The following PCDHGA1 variants were observed in gnomAD, a reference collection of about 807,000 sequenced individuals.
The protein encoded by PCDHGA1 is protocadherin gamma subfamily A, 1, also known as protocadherin gamma-A1.
PCDHGA1 carries 32 observed loss-of-function variants against 58.0 expected under a neutral mutation model. The observed-to-expected ratio is 0.55, with a 90% CI of 0.42 to 0.74. The LOEUF (loss-of-function observed/expected upper bound fraction) is 0.74, where lower values mean the gene tolerates loss of function less well. Among genes scored for constraint, PCDHGA1 ranks in the 30% least tolerant of loss-of-function variants. PCDHGA1 has a pLI of 0.00. For missense variants in PCDHGA1, 1,205 were observed against 1,182.3 expected (o/e 1.02, Z -0.28); for synonymous variants, 498 against 501.1 (o/e 0.99, Z 0.08).
intron 1 of PCDHGA1, chr5:141,341,720 A>T: frequency 4.3e-6 from 2 of 464,682 alleles, no homozygotes; most frequent in Non-Finnish European, 3.7e-6. Context: ...CACCCAGATC[A>T]ACAATTTTTT....
chr5:141,374,327 G>T (rs766746841), intron 1 of PCDHGA1: 3 of 1,613,866 alleles, frequency 1.9e-6, no homozygotes, highest in Non-Finnish European at 2.5e-6. Context: ...TCCGCGAAAC[G>T]GCAGCTTGGT....
intron 1 of PCDHGA1, chr5:141,421,983 T>G: frequency 6.2e-7 from 1 of 1,609,228 alleles, no homozygotes; most frequent in Non-Finnish European, 8.5e-7. Context: ...GCGTGAGTGT[T>G]CCAGAAAACA....
rs114776679 is a variant in PCDHGA1, at chr5:141,400,351, G to A, written c.2421+67246G>A. The A allele has an allele frequency of 1.1e-3, 1,779 of 1,614,070 alleles. 15 individuals are homozygous for A. The African/African-American group carries it at 0.021, about 19-fold the overall frequency. On this transcript the variant is annotated intron_variant, in intron 1 of 3. Coordinates refer to ENST00000517417, the MANE Select transcript of PCDHGA1 (RefSeq NM_018912.3). ...TGTGGTTCCCCCCAACTACAGTCAG[G>A]GGACTTTGCCTTATTCCTACAACCT...
chr5:141,395,332 AT>A (rs2093216099), intron 1 of PCDHGA1: 2 of 1,450,272 alleles, frequency 1.4e-6, no homozygotes, highest in Non-Finnish European at 9.2e-7. Flanking sequence ...GTTGAAAATA[AT>A]TTTTAAGGTG....
rs751345684 is a variant in PCDHGA1 at position 141,398,995 on chromosome 5, C to G, written c.2421+65890C>G. ...CTACAGAACCGGGCAAATCTTTAGT[C>G]TGAATTCAAAGAGCGGAGAAATTAC... On this transcript the variant is annotated intron_variant, in intron 1 of 3. Transcript: ENST00000517417. 2.5e-5 allele frequency: 41 copies of G among 1,613,782 alleles called. No homozygotes were observed. The East Asian group carries it at 8.7e-4, about 34-fold the overall frequency.
intron 1 of PCDHGA1, chr5:141,428,048 G>A: frequency 6.2e-7 from 1 of 1,608,900 alleles, no homozygotes; most frequent in Admixed American, 1.7e-5. Context: ...TGGTGACCAA[G>A]GTGGTGGCGG....
intron 1 of PCDHGA1, chr5:141,350,155 G>T: frequency 1.0e-6 from 1 of 998,930 alleles, no homozygotes; most frequent in Non-Finnish European, 1.4e-6. Context: ...TCACCCTCGA[G>T]CGCCTAACTA....
chr5:141,400,678 TTG>T, intron 1 of PCDHGA1: 1 of 882,002 alleles, frequency 1.1e-6, no homozygotes, highest in Non-Finnish European at 1.7e-6. Flanking sequence ...GAGCAGTAAA[TTG>T]TGAGTTTTTA....
chr5:141,473,235 C>T (rs1322325327), intron 1 of PCDHGA1, among the ~76,000 whole-genome samples: 1 of 152,132 alleles, frequency 6.6e-6, no homozygotes, highest in Non-Finnish European at 1.5e-5. Flanking sequence ...TGGATCCACA[C>T]AAGTGAATAC....
At chr5:141,443,871 G>A (rs1395939418) in intron 1 of PCDHGA1, among the ~76,000 whole-genome samples, 1 of 152,112 alleles carries the variant, frequency 6.6e-6, no homozygotes, top group East Asian at 1.9e-4. Context: ...AAAAATTACT[G>A]ATAAGTCAAG....
intron 1 of PCDHGA1, chr5:141,422,905 G>A: frequency 6.2e-7 from 1 of 1,614,260 alleles, no homozygotes; most frequent in South Asian, 1.1e-5. Flanking sequence ...GAACGACAAT[G>A]CGCCCGAGAT....
chr5:141,495,547 C>G (rs2099762038), intron 2 of PCDHGA1, among the ~76,000 whole-genome samples: 1 of 152,228 alleles, frequency 6.6e-6, no homozygotes, highest in South Asian at 2.1e-4. Flanking sequence ...CAGTCTCTAT[C>G]TCGCTTTGCA....
rs185055424 is a variant in PCDHGA1, at chr5:141,457,894, G to A, written c.2422-36913G>A. Among the ~76,000 whole-genome samples the A allele has an allele frequency of 3.2e-3, 488 of 152,332 alleles. 1 individual carries two copies. Among genetic ancestry groups the A allele is most frequent in the Non-Finnish European group, 5.0e-3 (342 of 68,028 alleles). On this transcript the variant is annotated intron_variant, in intron 1 of 3. Transcript: ENST00000517417. ...GTTAGGAACCCTGTGTGGGGACTGT[G>A]TAGACAAGGTGTGAGGCCAGTTCTC...
chr5:141,487,314 A>G lies in PCDHGA1; in HGVS notation c.2422-7493A>G. ...GGCTCATTCGTGGCACTACTCTCTAAGTGTCTTCGTGGGGCAGCCTGTGGA... is the reference window on the plus strand; with the variant it reads ...GGCTCATTCGTGGCACTACTCTCTAGGTGTCTTCGTGGGGCAGCCTGTGGA... On this transcript the variant is annotated intron_variant, in intron 1 of 3. Transcript: ENST00000517417. The surrounding 1 kb of genome is among the most constrained non-coding windows in gnomAD (Gnocchi z 5.0). The G allele has an allele frequency of 6.2e-7, 1 of 1,614,002 alleles. No individual in the cohort carries two copies. Among genetic ancestry groups the G allele is most frequent in the African/African-American group, 1.3e-5 (1 of 74,994 alleles).
At chr5:141,418,066 C>T (rs777602456) in intron 1 of PCDHGA1, 1 of 1,613,980 alleles carries the variant, frequency 6.2e-7, no homozygotes, top group Non-Finnish European at 8.5e-7. Flanking sequence ...TGCGAGTGAG[C>T]GCGGAGAAGC....
Position 141,364,525 on chromosome 5 carries a change from C to A in PCDHGA1, c.2421+31420C>A, listed in dbSNP as rs763615712. 3 of 1,614,062 alleles carry A rather than the reference C, an allele frequency of 1.9e-6. No individual in the cohort carries two copies. In the East Asian group the frequency reaches 6.7e-5, roughly 36 times the overall value. ...AGGAGCTGGCGGAGCGCGGAGTCCG[C>A]ATCGTCTCCAGAGGTAGGACGCAGC... is the stretch of plus-strand genomic sequence containing the variant. On this transcript the variant is annotated intron_variant, in intron 1 of 3. Transcript: ENST00000517417.
intron 1 of PCDHGA1, chr5:141,372,856 A>T (rs1769134013): frequency 6.9e-7 from 1 of 1,445,570 alleles, no homozygotes; most frequent in Admixed American, 2.4e-5. Flanking sequence ...TTGGGTTTCA[A>T]TTCATTGATT....
intron 1 of PCDHGA1, chr5:141,384,297 C>A (rs753406812): frequency 1.2e-6 from 2 of 1,613,848 alleles, no homozygotes; most frequent in South Asian, 2.2e-5. Context: ...AGAACAACCC[C>A]AGAGGGGCCT....
intron 1 of PCDHGA1, chr5:141,374,021 CA>C (rs1013436249): frequency 5.0e-6 from 7 of 1,406,050 alleles, no homozygotes; most frequent in Non-Finnish European, 6.5e-6. Context: ...CTGAGAAGAG[CA>C]AAAGTGATGC....
Sources: gnomAD v4.1 joint callset for allele counts (sites outside exome capture counted in the v4.1 genomes callset) on GRCh38, gnomAD v4.1.1 for gene constraint, Gnocchi (gnomAD v3.1) non-coding constraint, MANE v1.5 for transcripts, NCBI Gene and HGNC (gene_info 2026-07-23, HGNC 2026-07-21) for gene names.